SPAG4: variants seen among roughly 807,000 people sequenced by gnomAD.
The protein encoded by SPAG4 is sperm associated antigen 4, also known as sperm-associated antigen 4 protein.
In SPAG4, 54 loss-of-function variants were observed where a neutral mutation model predicts 53.9. The ratio of observed to expected loss-of-function variants is 1.00; its 90% CI spans 0.80 to 1.26. The LOEUF (loss-of-function observed/expected upper bound fraction) is 1.26, where lower values mean the gene tolerates loss of function less well. SPAG4 is among the 50% of genes most tolerant of loss of function. SPAG4 has a pLI of 0.00. For synonymous variants in SPAG4, 246 were observed against 237.4 expected, an observed-to-expected ratio of 1.04 and a Z score of -0.33; for missense variants, 548 against 568.6, an observed-to-expected ratio of 0.96 and a Z score of 0.37.
At position 35,615,940 on chromosome 20, in the gene SPAG4, C is replaced by A. The variant is rs2031355152; in HGVS notation, c.-64C>A. ...CGCGGCGCGCAGCGGCTGAAGGAGG[C>A]CCCAGGGCCTTGGCGACCGCAGCGG... On this transcript the variant is annotated 5_prime_UTR_variant, in exon 1 of 12. Transcript: ENST00000374273. The A allele has an allele frequency of 6.5e-6, 10 of 1,541,440 alleles. No individual in the cohort carries two copies. The South Asian group carries it at 1.2e-4, about 18-fold the overall frequency.
intron 4 of SPAG4, 118 bp downstream of exon 4, chr20:35,617,958 A>T (rs2031444018): frequency 1.5e-6 from 2 of 1,349,870 alleles, no homozygotes; most frequent in East Asian, 4.6e-5. Context: ...AGAACCCCCT[A>T]ATTCCCCCTC....
At position 35,619,730 on chromosome 20, in the gene SPAG4, G is replaced by T. The variant is rs369926602; in HGVS notation, c.1061G>T (p.Arg354Leu). ...ACCGGAGGAGCCAACAGCGCCCCCC[G>T]CGATTTCGCGGTCTTTGTGAGTGCG... ...EHTGGANSAP[R>L]DFAVFGLQVY... The change falls in exon 10 of 12, where the codon CGC becomes CTC. Residue 354 changes from arginine (R) to leucine (L), a missense_variant. By Grantham distance (102) the Arg-to-Leu change is moderately radical (BLOSUM62 -2). Coordinates refer to ENST00000374273, the MANE Select transcript of SPAG4 (RefSeq NM_003116.3). The T allele has an allele frequency of 3.3e-4, 533 of 1,610,188 alleles. No individual in the cohort carries two copies. Among genetic ancestry groups the T allele is most frequent in the Non-Finnish European group, 4.4e-4 (515 of 1,177,362 alleles).
chr20:35,617,639 G>T (rs2031432971), intron 3 of SPAG4, 53 bp downstream of exon 3: 1 of 1,596,200 alleles, frequency 6.3e-7, no homozygotes, highest in Non-Finnish European at 8.6e-7. Context: ...AGGGGGTGGG[G>T]AGCAGGGCCG....
rs933567912 is a variant in SPAG4, at chr20:35,617,131, C to A, written c.305-5C>A. 5.7e-6 allele frequency: 9 copies of A among 1,573,368 alleles called. No individual in the cohort carries two copies. In the African/African-American group the frequency reaches 1.2e-4, roughly 21 times the overall value. On this transcript the variant is annotated splice_region_variant and splice_polypyrimidine_tract_variant and intron_variant, in intron 1 of 11. Transcript: ENST00000374273. The stretch of plus-strand genomic sequence containing the variant: ...GGCCCCAGTGGAGCCCTTGGGTTCC[C>A]GCAGAACCGACTGGGTCTCCAGTAG...
In SPAG4 at chr20:35,616,132, G is replaced by T. The variant is rs1032320882; in HGVS notation, c.129G>T (p.Gly43=). The part of the protein sequence containing the change: ...DSKGLRSAEP[G]PGEPEGRRAR... Reference sequence around the variant, plus strand: ...AAGGGCTCCGGTCAGCGGAGCCCGGGCCTGGGGAGCCCGAGGGCAGAAGAG... The same window carrying T: ...AAGGGCTCCGGTCAGCGGAGCCCGGTCCTGGGGAGCCCGAGGGCAGAAGAG... Residue 43 remains glycine (G), a synonymous_variant, in exon 1 of 12, where the codon GGG becomes GGT. Coordinates refer to ENST00000374273, the MANE Select transcript of SPAG4 (RefSeq NM_003116.3). 1.2e-5 allele frequency: 20 copies of T among 1,605,002 alleles called. No individual in the cohort carries two copies. Among genetic ancestry groups the T allele is most frequent in the Non-Finnish European group, 1.4e-5 (16 of 1,176,580 alleles).
At chr20:35,617,319 C>T (rs978694936) in intron 2 of SPAG4, 79 bp downstream of exon 2, 12 of 1,104,444 alleles carry the variant, frequency 1.1e-5, no homozygotes, top group Admixed American at 2.0e-5. Context: ...GAGCCCCCGG[C>T]CCCCGTTTGA....
Position 35,618,101 on chromosome 20 carries a change from C to T in SPAG4, c.553C>T (p.Leu185Phe). 6.2e-7 allele frequency: 1 copy of T among 1,613,774 alleles called. No individual in the cohort carries two copies. Among genetic ancestry groups the T allele is most frequent in the Non-Finnish European group, 8.5e-7 (1 of 1,179,870 alleles). The change falls in exon 5 of 12, where the codon CTT (leucine) becomes TTT (phenylalanine). Residue 185 changes from leucine (L) to phenylalanine (F), a missense_variant. Coordinates refer to ENST00000374273, the MANE Select transcript of SPAG4 (RefSeq NM_003116.3). ...SLFLSAFWLGLLYLVSPLENE... is the reference protein window; with the variant it reads ...SLFLSAFWLGFLYLVSPLENE... Reference sequence around the variant, plus strand: ...TCTTTCTCCAGCATTCTGGCTGGGGCTTCTGTACCTGGTCTCTCCTTTGGA... The same window carrying T: ...TCTTTCTCCAGCATTCTGGCTGGGGTTTCTGTACCTGGTCTCTCCTTTGGA...
At position 35,617,962 on chromosome 20, in the gene SPAG4, C is replaced by T. The variant is rs1601405201; in HGVS notation, c.538+122C>T. ...CATTCCCCTGCAGAACCCCCTAATTCCCCCTCAGACTCCCACGGTCCTCCC... is the reference window on the plus strand; with the variant it reads ...CATTCCCCTGCAGAACCCCCTAATTTCCCCTCAGACTCCCACGGTCCTCCC... On this transcript the variant is annotated intron_variant, in intron 4 of 11. Transcript: ENST00000374273. The T allele has an allele frequency of 3.7e-6, 5 of 1,334,942 alleles. No individual in the cohort carries two copies. In the East Asian group the frequency reaches 9.2e-5, roughly 25 times the overall value. The allele number at this position is 1,334,942 out of a possible 1,614,324, so 82.7% of individuals were successfully genotyped here.
chr20:35,617,024 G>C (rs2031409115), intron 1 of SPAG4, 112 bp from the exon 2 acceptor site: 3 of 709,798 alleles, frequency 4.2e-6, no homozygotes, highest in Non-Finnish European at 7.3e-6. Flanking sequence ...CAAAGCCTGT[G>C]AGAGACTTCC....
chr20:35,619,148 C>A (rs766840013), intron 8 of SPAG4, 47 bp from the exon 9 acceptor site: 2 of 1,350,682 alleles, frequency 1.5e-6, no homozygotes, highest in African/African-American at 1.9e-5. Context: ...CGCCCCGACT[C>A]CCGGCAAGGC....
rs1472217844 is a variant in SPAG4 at position 35,615,898 on chromosome 20, A to C, written c.-106A>C. Reference sequence around the variant, plus strand: ...GCCGCGGGGCCTGCCGACTTCACGCAGGGTCCGTGGGGTCCCCGCGGCGCG... The same window carrying C: ...GCCGCGGGGCCTGCCGACTTCACGCCGGGTCCGTGGGGTCCCCGCGGCGCG... On this transcript the variant is annotated 5_prime_UTR_variant, in exon 1 of 12. Transcript: ENST00000374273. 8.1e-6 allele frequency: 9 copies of C among 1,116,390 alleles called. No individual in the cohort carries two copies. The highest frequency in any genetic ancestry group is 9.9e-6 in the Non-Finnish European group (8 of 806,390). The allele number at this position is 1,116,390 out of a possible 1,614,324, so 69.2% of individuals were successfully genotyped here.
chr20:35,616,364 G>T (rs1190134820), intron 1 of SPAG4, 57 bp downstream of exon 1: 1 of 1,433,048 alleles, frequency 7.0e-7, no homozygotes, highest in African/African-American at 1.5e-5. Context: ...CTAAAGGGCG[G>T]TGCTGGGCGG....
intron 6 of SPAG4, 64 bp downstream of exon 6, chr20:35,618,539 AGGCGTGGG>A (rs1174425945): frequency 7.5e-6 from 12 of 1,607,598 alleles, no homozygotes; most frequent in South Asian, 1.1e-5. Flanking sequence ...AGAACCTTGA[AGGCGTGGG>A]GGCCTTTGGG....
At position 35,615,967 on chromosome 20, in the gene SPAG4, G is replaced by A. The variant is rs547025613; in HGVS notation, c.-37G>A. 3 of 1,600,716 alleles carry A rather than the reference G, an allele frequency of 1.9e-6. No individual in the cohort carries two copies. The highest frequency in any genetic ancestry group is 1.1e-5 in the South Asian group (1 of 90,590). On this transcript the variant is annotated 5_prime_UTR_variant, in exon 1 of 12. Transcript: ENST00000374273. Reference sequence around the variant, plus strand: ...CCAGGGCCTTGGCGACCGCAGCGGCGGCTTTAGCGTCAGTGACTAGGCAGC... The same window carrying A: ...CCAGGGCCTTGGCGACCGCAGCGGCAGCTTTAGCGTCAGTGACTAGGCAGC...
rs1394190539 is a variant in SPAG4 at position 35,621,062 on chromosome 20, G to T, written c.*40G>T. 6.2e-7 allele frequency: 1 copy of T among 1,604,122 alleles called. No individual in the cohort carries two copies. The highest frequency in any genetic ancestry group is 8.5e-7 in the Non-Finnish European group (1 of 1,171,930). On this transcript the variant is annotated 3_prime_UTR_variant, in exon 12 of 12. Transcript: ENST00000374273. The stretch of plus-strand genomic sequence containing the variant: ...GGAGTAGAATTGAGTTCTGCTGAAG[G>T]ATACTGGATCAGTGCTTTCGGGGGC...
In SPAG4 at chr20:35,617,829, T is replaced by C. The variant is rs1245952396; in HGVS notation, c.527T>C (p.Leu176Pro). The change falls in exon 4 of 12, where the codon CTC (leucine) becomes CCC (proline). Residue 176 changes from leucine (L) to proline (P), a missense_variant. Transcript: ENST00000374273. The stretch of plus-strand genomic sequence containing the variant: ...TTCACGGCTGTGTCGCTGCTGAGCC[T>C]CTTTCTGTCAGGTGAGGGGCAGTGA... ...FLFTAVSLLS[L>P]FLSAFWLGLL... 3.1e-6 allele frequency: 5 copies of C among 1,613,984 alleles called. 1 individual carries two copies. The South Asian group carries it at 4.4e-5, about 14-fold the overall frequency.
At chr20:35,619,160 T>G in intron 8 of SPAG4, 35 bp from the exon 9 acceptor site, 1 of 1,148,908 alleles carries the variant, frequency 8.7e-7, no homozygotes, top group Non-Finnish European at 1.2e-6. Flanking sequence ...CGGCAAGGCC[T>G]GGGAGCCTCT....
chr20:35,618,969 G>A lies in SPAG4; in HGVS notation c.764G>A (p.Arg255Gln), dbSNP rs1304314266. ...CAGAGGCTGAATGAGGATTTTGTGC[G>A]GAAGCCCGACTATGCTTTGAGCTCT... ...VFQRLNEDFVRKPDYALSSVG... is the reference protein window; with the variant it reads ...VFQRLNEDFVQKPDYALSSVG... The change falls in exon 8 of 12, where the codon CGG (arginine) becomes CAG (glutamine). Residue 255 changes from arginine (R) to glutamine (Q), a missense_variant. Physicochemically the swap from Arg to Gln is conservative, Grantham distance 43. Transcript: ENST00000374273. 2.5e-6 allele frequency: 4 copies of A among 1,614,168 alleles called. No individual in the cohort carries two copies. In the South Asian group the frequency reaches 4.4e-5, roughly 18 times the overall value.
intron 3 of SPAG4, 46 bp from the exon 4 acceptor site, chr20:35,617,733 G>A: frequency 6.3e-7 from 1 of 1,594,056 alleles, no homozygotes; most frequent in South Asian, 1.1e-5. Flanking sequence ...GGTGGGGACT[G>A]GAGGGTTGAG....
Sources: gnomAD v4.1 joint callset for allele counts on GRCh38, gnomAD v4.1.1 for gene constraint, MANE v1.5 for transcripts, NCBI Gene and HGNC (gene_info 2026-07-23, HGNC 2026-07-21) for gene names.